DNAH1: variants seen among roughly 807,000 people sequenced by gnomAD.
DNAH1 encodes the protein axonemal beta dynein heavy chain 1.
A neutral mutation model predicts 484.3 loss-of-function variants in DNAH1; 327 were observed. The observed-to-expected ratio is 0.68, with a 90% CI of 0.62 to 0.74. The LOEUF (loss-of-function observed/expected upper bound fraction) is 0.74. DNAH1 is among the 30% of genes least tolerant of loss of function. The pLI, the probability that DNAH1 is intolerant of heterozygous loss-of-function variation, is 0.00. For synonymous variants in DNAH1, 2,192 were observed against 2,191.9 expected (o/e 1.00, Z 0.00); for missense variants, 5,052 against 5,546.8 (o/e 0.91, Z 2.83).
At position 52,391,746 on chromosome 3, in the gene DNAH1, C is replaced by G. The variant is rs965409166; in HGVS notation, c.10052+143C>G. On this transcript the variant is annotated intron_variant, in intron 63 of 77. Coordinates refer to ENST00000420323, the MANE Select transcript of DNAH1 (RefSeq NM_015512.5). ...CAGTTTCACCCCAGGCACTCACATT[C>G]GAAGCCTTTCTAGCACTTCCACCAG... 9 of 978,158 alleles carry G rather than the reference C, an allele frequency of 9.2e-6. No homozygotes were observed. In the East Asian group the frequency reaches 1.6e-4, roughly 17 times the overall value. 60.6% of individuals were successfully genotyped at this position (978,158 alleles called of 1,614,324 possible).
Position 52,397,878 on chromosome 3 carries a change from G to A in DNAH1, c.11958+1G>A, listed in dbSNP as rs1396039248. 2.5e-6 allele frequency: 4 copies of A among 1,597,974 alleles called. No homozygotes were observed. Among genetic ancestry groups the A allele is most frequent in the Non-Finnish European group, 1.7e-6 (2 of 1,171,278 alleles). On this transcript the variant is annotated splice_donor_variant, in intron 74 of 77. Transcript: ENST00000420323. LOFTEE classifies it high-confidence loss of function. ...TGCAGGCAGCCAGGGCCGGGAGGAG[G>A]TGGGTGGTGTCAGAGTAAGGGGCCC...
At chr3:52,374,376 C>A in intron 44 of DNAH1, 1 of 1,421,668 alleles carries the variant, frequency 7.0e-7, no homozygotes, top group Admixed American at 1.7e-5. Flanking sequence ...CTGTGGAGTG[C>A]AGTTTTTAGA....
intron 15 of DNAH1, 46 bp downstream of exon 15, chr3:52,350,154 G>T: frequency 6.3e-7 from 1 of 1,593,706 alleles, no homozygotes; most frequent in Non-Finnish European, 8.5e-7. Flanking sequence ...CACAGGGCTG[G>T]TGTTAAGAGT....
chr3:52,346,746 A>G lies in DNAH1; in HGVS notation c.1931A>G (p.Asp644Gly), dbSNP rs762605266. The change falls in exon 11 of 78, where the codon GAC (aspartate) becomes GGC (glycine). Residue 644 changes from aspartate to glycine, a missense_variant. By Grantham distance (94) the Asp-to-Gly change is moderately conservative. Around this residue, in one of 4 missense-constraint regions of DNAH1, gnomAD observed 1,263 missense variants for 1,218.8 expected, o/e 1.04. Coordinates refer to ENST00000420323, the MANE Select transcript of DNAH1 (RefSeq NM_015512.5). ...TGCACCGATGACATGGTCTGGGGTG[A>G]CGACTTAATTAACAGCCCCTACAGG... The part of the protein sequence containing the change: ...LNCTDDMVWG[D>G]DLINSPYRPR... The G allele has an allele frequency of 6.2e-7, 1 of 1,606,968 alleles. No homozygotes were observed. The highest frequency in any genetic ancestry group is 1.7e-4 in the Middle Eastern group (1 of 6,036).
intron 50 of DNAH1, 21 bp downstream of exon 50, chr3:52,382,476 G>A (rs752275272): frequency 1.2e-6 from 2 of 1,612,294 alleles, no homozygotes; most frequent in South Asian, 2.2e-5. Flanking sequence ...CACAGCAGAG[G>A]GCAGGGCTCG....
At position 52,332,413 on chromosome 3, in the gene DNAH1, T is replaced by C. The variant is rs1431675271; in HGVS notation, c.1286+19T>C. ...GCCCCTCGTGAGTCCCCGCTCGGCCTTCCCTATTCTGGGCATCACCTTCTT... is the reference window on the plus strand; with the variant it reads ...GCCCCTCGTGAGTCCCCGCTCGGCCCTCCCTATTCTGGGCATCACCTTCTT... On this transcript the variant is annotated intron_variant, in intron 8 of 77. Coordinates refer to ENST00000420323, the MANE Select transcript of DNAH1 (RefSeq NM_015512.5). The C allele has an allele frequency of 1.9e-6, 3 of 1,606,256 alleles. No individual in the cohort carries two copies. The highest frequency in any genetic ancestry group is 2.5e-6 in the Non-Finnish European group (3 of 1,177,110).
intron 16 of DNAH1, among the ~76,000 whole-genome samples, chr3:52,351,334 C>T (rs1351706426): frequency 6.6e-6 from 1 of 152,222 alleles, no homozygotes; most frequent in Non-Finnish European, 1.5e-5. Context: ...CCTGCCAAGC[C>T]TTACTGAGGC....
In DNAH1 at chr3:52,354,877, T is replaced by C; in HGVS notation, c.3515T>C (p.Ile1172Thr). Residue 1172 changes from isoleucine to threonine, a missense_variant, in exon 21 of 78, where the codon ATC becomes ACC. Around this residue, in one of 4 missense-constraint regions of DNAH1, gnomAD observed 2,929 missense variants for 3,409.4 expected, o/e 0.86. Transcript: ENST00000420323. ...LDKMEKEWST[I>T]LFNVLPYKAT... The stretch of plus-strand genomic sequence containing the variant: ...AAGATGGAGAAGGAGTGGTCGACCA[T>C]CCTGTTCAATGTACTGCCCTACAAG... The C allele has an allele frequency of 6.2e-7, 1 of 1,613,772 alleles. No homozygotes were observed. Among genetic ancestry groups the C allele is most frequent in the Non-Finnish European group, 8.5e-7 (1 of 1,179,842 alleles).
chr3:52,345,287 C>T (rs1702097504), intron 9 of DNAH1, among the ~76,000 whole-genome samples: 1 of 152,180 alleles, frequency 6.6e-6, no homozygotes, highest in South Asian at 2.1e-4. Flanking sequence ...GGAAGGAATT[C>T]CTTTACCCAT....
At chr3:52,400,218 C>T (rs1233253250) in intron 77 of DNAH1, 107 bp from the exon 78 acceptor site, 6 of 1,482,618 alleles carry the variant, frequency 4.0e-6, no homozygotes, top group Middle Eastern at 1.8e-4. Context: ...TGGGTCAGGG[C>T]CCCCTCCCTG....
At chr3:52,341,907 C>T (rs1701954849) in intron 8 of DNAH1, among the ~76,000 whole-genome samples, 1 of 152,136 alleles carries the variant, frequency 6.6e-6, no homozygotes, top group African/African-American at 2.4e-5. Context: ...GTGAACATTT[C>T]CAACAAAGAG....
Position 52,355,072 on chromosome 3 carries a change from G to A in DNAH1, c.3693+17G>A. ...CTGACCCAGGTCGGCCCTCCCCCCA[G>A]TCCTTCCCTCATCGCTCCCCCACTT... On this transcript the variant is annotated intron_variant, in intron 21 of 77. Transcript: ENST00000420323. This position sits in a 1 kb window ranked among gnomAD's most constrained non-coding sequence, Gnocchi z 4.5. 1 of 1,611,198 alleles carries A rather than the reference G, an allele frequency of 6.2e-7. No homozygotes were observed.
rs772619343 is a variant in DNAH1 at position 52,366,503 on chromosome 3, A to T, written c.5565A>T (p.Arg1855=). ...CIQLYETTVV[R]HGLMLVGPTG... ...AGCTCTACGAGACCACGGTGGTACG[A>T]CACGGCCTCATGCTCGTCGGGCCCA... The change falls in exon 35 of 78, where the codon CGA becomes CGT. Residue 1855 remains arginine, a synonymous_variant. Coordinates refer to ENST00000420323, the MANE Select transcript of DNAH1 (RefSeq NM_015512.5). 5.0e-6 allele frequency: 8 copies of T among 1,603,398 alleles called. No homozygotes were observed. The Admixed American group carries it at 1.4e-4, about 27-fold the overall frequency.
intron 16 of DNAH1, among the ~76,000 whole-genome samples, chr3:52,351,411 C>A (rs927624713): frequency 6.6e-6 from 1 of 152,230 alleles, no homozygotes; most frequent in Non-Finnish European, 1.5e-5. Flanking sequence ...CAGGGCCCTG[C>A]CCAGGAGAGG....
intron 8 of DNAH1, among the ~76,000 whole-genome samples, chr3:52,340,288 C>T (rs1701888252): frequency 1.3e-5 from 2 of 151,810 alleles, no homozygotes; most frequent in Admixed American, 6.6e-5. Context: ...CACTTTGTTG[C>T]CCAGGCTGGT....
chr3:52,344,719 C>T (rs1033977149), intron 9 of DNAH1, 72 bp downstream of exon 9: 2 of 1,499,524 alleles, frequency 1.3e-6, no homozygotes, highest in Non-Finnish European at 1.8e-6. Flanking sequence ...CCTTCCCCTC[C>T]AGGATTGTCT....
At chr3:52,324,213 G>A (rs1701254411) in intron 3 of DNAH1, among the ~76,000 whole-genome samples, 1 of 152,214 alleles carries the variant, frequency 6.6e-6, no homozygotes, top group Non-Finnish European at 1.5e-5. Flanking sequence ...GGGCCCTGAA[G>A]AGGCCAGGAC....
rs1223185416 is a variant in DNAH1 at position 52,381,349 on chromosome 3, G to A, written c.7609-291G>A. On this transcript the variant is annotated intron_variant, in intron 48 of 77. Transcript: ENST00000420323. The surrounding 1 kb of genome is among the most constrained non-coding windows in gnomAD (Gnocchi z 4.1). ...GCTGGTGTTGAACTCCTGGGCTCAAGTGATCCTCCCGCCTTGGCTTCCCAC... is the reference window on the plus strand; with the variant it reads ...GCTGGTGTTGAACTCCTGGGCTCAAATGATCCTCCCGCCTTGGCTTCCCAC... Among the ~76,000 whole-genome samples, 1 of 152,194 alleles carries A rather than the reference G, an allele frequency of 6.6e-6. No individual in the cohort carries two copies. Among genetic ancestry groups the A allele is most frequent in the Non-Finnish European group, 1.5e-5 (1 of 68,030 alleles).
At position 52,352,035 on chromosome 3, in the gene DNAH1, G is replaced by A. The variant is rs757010764; in HGVS notation, c.2803G>A (p.Glu935Lys). 1 of 1,595,978 alleles carries A rather than the reference G, an allele frequency of 6.3e-7. No individual in the cohort carries two copies. Among genetic ancestry groups the A allele is most frequent in the Non-Finnish European group, 8.5e-7 (1 of 1,171,442 alleles). The change falls in exon 17 of 78, where the codon GAG (glutamate) becomes AAG (lysine). Residue 935 changes from glutamate (E) to lysine (K), a missense_variant. Physicochemically the swap from Glu to Lys is moderately conservative, Grantham distance 56 (BLOSUM62 1). Coordinates refer to ENST00000420323, the MANE Select transcript of DNAH1 (RefSeq NM_015512.5). The part of the protein sequence containing the change: ...ELVQQQHVED[E>K]EKFRKIQIMD... Reference sequence around the variant, plus strand: ...GGTGCAGCAGCAGCATGTGGAGGATGAGGAGAAGTTCCGCAAAATCCAGAT... The same window carrying A: ...GGTGCAGCAGCAGCATGTGGAGGATAAGGAGAAGTTCCGCAAAATCCAGAT...
Sources: allele counts gnomAD v4.1 joint callset (sites outside exome capture counted in the v4.1 genomes callset), GRCh38; gene constraint gnomAD v4.1.1; regional missense constraint gnomAD v4.1.1; non-coding constraint Gnocchi (gnomAD v3.1); transcripts MANE v1.5; gene names NCBI Gene and HGNC (gene_info 2026-07-23, HGNC 2026-07-21).